SYCP3: variants seen among roughly 807,000 people sequenced by gnomAD.
The protein encoded by SYCP3 is synaptonemal complex protein 3.
In SYCP3, 29 loss-of-function variants were observed where a neutral mutation model predicts 38.5. That is an observed-to-expected ratio of 0.75 (90% CI 0.56 to 1.03). The LOEUF is 1.03. SYCP3 is among the 50% of genes least tolerant of loss of function. The pLI is 0.00. For missense variants in SYCP3, 242 were observed against 270.7 expected (o/e 0.89, Z 0.74); for synonymous variants, 79 against 80.3 (o/e 0.98, Z 0.08).
At chr12:101,731,781 A>C in intron 6 of SYCP3, 115 bp from the exon 7 acceptor site, 2 of 703,934 alleles carry the variant, frequency 2.8e-6, no homozygotes, top group South Asian at 4.3e-5. Flanking sequence ...AATGCTTTTA[A>C]AATTTTAACA....
In SYCP3 at chr12:101,737,261, C is replaced by T; in HGVS notation, c.171G>A (p.Arg57=). 1.2e-6 allele frequency: 2 copies of T among 1,612,214 alleles called. No homozygotes were observed. The highest frequency in any genetic ancestry group is 1.7e-6 in the Non-Finnish European group (2 of 1,179,678). Residue 57 remains arginine (R), a synonymous_variant, in exon 3 of 9, where the codon AGG becomes AGA. Coordinates refer to ENST00000392924, the MANE Select transcript of SYCP3 (RefSeq NM_001177949.2). ...TAVIEKRRKK[R]SSAGVVEDMG... ...TATCTTCAACTACTCCTGCAGAAGA[C>T]CTTTTCTTCCTACGTTTCTCAATGA...
chr12:101,729,259 T>C lies in SYCP3; in HGVS notation c.553-46A>G, dbSNP rs1952078006. On this transcript the variant is annotated intron_variant, in intron 7 of 8. Transcript: ENST00000392924. ...TTAAGTTACAAAGGACCACTTTTCATCTCAGGTTCTAAACTTGTACAATTA... is the reference window on the plus strand; with the variant it reads ...TTAAGTTACAAAGGACCACTTTTCACCTCAGGTTCTAAACTTGTACAATTA... 6.4e-6 allele frequency: 10 copies of C among 1,562,404 alleles called. No homozygotes were observed. The East Asian group carries it at 2.3e-4, about 35-fold the overall frequency.
At chr12:101,731,511 C>T (rs1030035218) in intron 7 of SYCP3, 57 bp downstream of exon 7, 20 of 1,191,308 alleles carry the variant, frequency 1.7e-5, no homozygotes, top group Non-Finnish European at 2.3e-5. Flanking sequence ...TTATCTTCTA[C>T]TTCCATAAAT....
intron 6 of SYCP3, 149 bp from the exon 7 acceptor site, chr12:101,731,815 A>G (rs978112539): frequency 7.3e-6 from 4 of 550,710 alleles, no homozygotes; most frequent in African/African-American, 1.9e-5. Context: ...CATTTAGATA[A>G]TTTATGTTCA....
chr12:101,739,182 CCGCT>C (rs1952610641), intron 1 of SYCP3, 165 bp downstream of exon 1: 8 of 786,066 alleles, frequency 1.0e-5, no homozygotes, highest in Non-Finnish European at 1.2e-5. Flanking sequence ...CCCAGCCCGC[CCGCT>C]TTCCACTAGG....
At chr12:101,734,855 G>A in intron 5 of SYCP3, 72 bp downstream of exon 5, 2 of 1,071,992 alleles carry the variant, frequency 1.9e-6, no homozygotes, top group Non-Finnish European at 2.9e-6. Context: ...TCCTAGAATA[G>A]TATTTTTCAT....
At chr12:101,734,467 A>T (rs938305594) in intron 5 of SYCP3, among the ~76,000 whole-genome samples, 2 of 152,182 alleles carry the variant, frequency 1.3e-5, no homozygotes, top group African/African-American at 4.8e-5. Flanking sequence ...AGTGATCTTT[A>T]TTGATTTTTT....
intron 3 of SYCP3, 41 bp from the exon 4 acceptor site, chr12:101,737,112 A>G: frequency 6.2e-7 from 1 of 1,612,142 alleles, no homozygotes; most frequent in Non-Finnish European, 8.5e-7. Flanking sequence ...GAAGATCCAC[A>G]ACATACCATG....
At chr12:101,730,143 T>C (rs760664240) in intron 7 of SYCP3, among the ~76,000 whole-genome samples, 5 of 152,068 alleles carry the variant, frequency 3.3e-5, no homozygotes, top group Admixed American at 2.6e-4. Flanking sequence ...GAGGGATAGA[T>C]TGGAGAACAG....
In SYCP3 at chr12:101,739,412, T is replaced by G. The variant is rs1018720305; in HGVS notation, c.-79A>C. 1.0e-6 allele frequency: 1 copy of G among 1,002,394 alleles called. No homozygotes were observed. The highest frequency in any genetic ancestry group is 6.1e-5 in the Admixed American group (1 of 16,278). The allele number at this position is 1,002,394 out of a possible 1,614,324, so 62.1% of individuals were successfully genotyped here. A position where few individuals can be genotyped will look rare whatever the true frequency, so the allele number is the denominator to read the frequency against. On this transcript the variant is annotated 5_prime_UTR_variant, in exon 1 of 9. Coordinates refer to ENST00000392924, the MANE Select transcript of SYCP3 (RefSeq NM_001177949.2). ...GTCGTCGACAGGCGTCCTCCACAACTCCTCCACAAGCGCGCTTCACCTGAG... is the reference window on the plus strand; with the variant it reads ...GTCGTCGACAGGCGTCCTCCACAACGCCTCCACAAGCGCGCTTCACCTGAG...
chr12:101,735,871 A>ATATATATATATTTTTTTTTTT, intron 4 of SYCP3, among the ~76,000 whole-genome samples: 3 of 74,762 alleles, frequency 4.0e-5, no homozygotes, highest in African/African-American at 6.3e-5. Context: ...ATATATATAT[A>ATATATATATATTTTTTTTTTT]TTTTTTTTTT....
chr12:101,736,708 ATGTG>A (rs34377603), intron 4 of SYCP3, among the ~76,000 whole-genome samples: 3,319 of 149,060 alleles, frequency 0.022, 85 homozygotes, highest in African/African-American at 0.053. Context: ...ATGTATGTAT[ATGTG>A]TGTGTGTGTG....
chr12:101,737,892 G>T lies in SYCP3; in HGVS notation c.44C>A (p.Pro15Gln). 1.2e-6 allele frequency: 2 copies of T among 1,614,024 alleles called. No individual in the cohort carries two copies. The highest frequency in any genetic ancestry group is 1.7e-6 in the Non-Finnish European group (2 of 1,180,018). ...GKKYSRKSGK[P>Q]SVEDQFTRAY... ...TCTCGTAAACTGATCTTCCACAGAC[G>T]GCTTCCCAGATTTCCTGGAATACTT... Residue 15 changes from proline (P) to glutamine (Q), a missense_variant, in exon 2 of 9, where the codon CCG (proline) becomes CAG (glutamine). Pro to Gln is a moderately conservative substitution (Grantham distance 76). Transcript: ENST00000392924.
intron 3 of SYCP3, 53 bp downstream of exon 3, chr12:101,737,179 A>G: frequency 6.2e-7 from 1 of 1,604,508 alleles, no homozygotes; most frequent in Non-Finnish European, 8.5e-7. Flanking sequence ...TTTGTTAGCA[A>G]CTTTTCTTGA....
Position 101,734,988 on chromosome 12 carries a change from C to A in SYCP3, c.292G>T (p.Ala98Ser). The change falls in exon 5 of 9, where the codon GCT becomes TCT. Residue 98 changes from alanine to serine, a missense_variant. Coordinates refer to ENST00000392924, the MANE Select transcript of SYCP3 (RefSeq NM_001177949.2). ...KRKRLEMYTK[A>S]SLKTSNQKIE... ...TTCTGGTTACTAGTTTTGAGAGAAG[C>A]CTTGGTATACATTTCTAGTCTCTTT... is the stretch of plus-strand genomic sequence containing the variant. The A allele has an allele frequency of 6.2e-7, 1 of 1,613,562 alleles. No individual in the cohort carries two copies. Among genetic ancestry groups the A allele is most frequent in the Non-Finnish European group, 8.5e-7 (1 of 1,179,744 alleles).
chr12:101,732,023 C>T (rs1469698839), intron 6 of SYCP3: 4 of 212,064 alleles, frequency 1.9e-5, no homozygotes, highest in Non-Finnish European at 3.8e-5. Context: ...TTACATACTC[C>T]CACCCTAGAT....
intron 6 of SYCP3, 86 bp downstream of exon 6, chr12:101,733,489 C>G: frequency 8.1e-7 from 1 of 1,233,830 alleles, no homozygotes; most frequent in Admixed American, 1.7e-5. Flanking sequence ...TGAAACCTGG[C>G]TCAGTTCCAC....
chr12:101,737,143 A>G, intron 3 of SYCP3, 72 bp from the exon 4 acceptor site: 1 of 1,599,422 alleles, frequency 6.3e-7, no homozygotes, highest in Admixed American at 1.7e-5. Context: ...AAGAAATACC[A>G]GATGCCAAGT....
chr12:101,735,871 A>ATTTTTTTTT (rs201568592), intron 4 of SYCP3, among the ~76,000 whole-genome samples: 61 of 74,504 alleles, frequency 8.2e-4, no homozygotes, highest in Non-Finnish European at 1.1e-3. Context: ...ATATATATAT[A>ATTTTTTTTT]TTTTTTTTTT....
Sources: allele counts gnomAD v4.1 joint callset (sites outside exome capture counted in the v4.1 genomes callset), GRCh38; gene constraint gnomAD v4.1.1; transcripts MANE v1.5; gene names NCBI Gene and HGNC (gene_info 2026-07-23, HGNC 2026-07-21).